NEBL: variants seen among roughly 807,000 people sequenced by gnomAD.
NEBL encodes nebulette, also known as LIM and SH3 protein 2.
A neutral mutation model predicts 140.2 loss-of-function variants in NEBL; 122 were observed. The ratio of observed to expected loss-of-function variants is 0.87; its 90% CI spans 0.75 to 1.01. The LOEUF is 1.01. Among genes scored for constraint, NEBL ranks in the 50% least tolerant of loss-of-function variants. NEBL has a pLI of 0.00. For missense variants in NEBL, 1,365 were observed against 1,231.3 expected (o/e 1.11, Z -1.62); for synonymous variants, 436 against 398.9 (o/e 1.09, Z -1.11).
chr10:21,152,615 A>G (rs1034998389), intron 2 of NEBL, among the ~76,000 whole-genome samples: 1 of 152,184 alleles, frequency 6.6e-6, no homozygotes, highest in African/African-American at 2.4e-5. Flanking sequence ...ACAAAAGCCA[A>G]AAAGAAACAG....
chr10:21,190,474 ACTCTGT>A (rs1841554050), intron 3 of NEBL, among the ~76,000 whole-genome samples: 1 of 151,962 alleles, frequency 6.6e-6, no homozygotes, highest in South Asian at 2.1e-4. Context: ...ACAGAGCGAG[ACTCTGT>A]CTCTAATTAA....
At chr10:20,894,751 A>G (rs1203230877) in intron 2 of NEBL, among the ~76,000 whole-genome samples, 5 of 18,894 alleles carry the variant, frequency 2.6e-4, no homozygotes, top group South Asian at 2.5e-3. Context: ...CGTCTCTACT[A>G]AAAAAAAAAA....
chr10:21,209,464 C>T (rs753705138), intron 3 of NEBL, among the ~76,000 whole-genome samples: 1 of 152,066 alleles, frequency 6.6e-6, no homozygotes, highest in Non-Finnish European at 1.5e-5. Context: ...TACATTGCCC[C>T]TCTGAAAAAA....
At chr10:20,881,564 G>A (rs540588868) in intron 4 of NEBL, among the ~76,000 whole-genome samples, 9 of 152,264 alleles carry the variant, frequency 5.9e-5, no homozygotes, top group African/African-American at 2.2e-4. Context: ...AGAACCTAAA[G>A]ACAGCAACCA....
chr10:21,014,336 C>A (rs1176445770), intron 3 of NEBL, among the ~76,000 whole-genome samples: 2 of 152,224 alleles, frequency 1.3e-5, no homozygotes, highest in African/African-American at 2.4e-5. Flanking sequence ...AGACCATAAA[C>A]CCCCTGAGAG....
At chr10:21,002,020 T>C (rs922558568) in intron 3 of NEBL, among the ~76,000 whole-genome samples, 1 of 152,156 alleles carries the variant, frequency 6.6e-6, no homozygotes, top group African/African-American at 2.4e-5. Context: ...AGGTGATTTG[T>C]TAGTTAGTTG....
At chr10:21,165,247 T>C (rs1172735079) in intron 2 of NEBL, among the ~76,000 whole-genome samples, 2 of 152,192 alleles carry the variant, frequency 1.3e-5, no homozygotes, top group East Asian at 1.9e-4. Flanking sequence ...TCATAAGAAA[T>C]GTTTTTAGAA....
intron 2 of NEBL, among the ~76,000 whole-genome samples, chr10:21,129,816 G>C (rs1224079637): frequency 6.6e-6 from 1 of 151,992 alleles, no homozygotes; most frequent in Non-Finnish European, 1.5e-5. Context: ...AAATTAGAAA[G>C]AGTATAAGAC....
intron 3 of NEBL, among the ~76,000 whole-genome samples, chr10:21,017,042 G>A (rs1194173701): frequency 2.6e-5 from 4 of 152,174 alleles, no homozygotes; most frequent in Admixed American, 6.5e-5. Context: ...TCTGAGCAAG[G>A]GGACCAGGGT....
chr10:21,061,071 T>C (rs1391803438), intron 2 of NEBL, among the ~76,000 whole-genome samples: 2 of 151,852 alleles, frequency 1.3e-5, no homozygotes, highest in Non-Finnish European at 2.9e-5. Context: ...CCAAACTAAA[T>C]AGAGGTCATT....
chr10:21,210,267 G>A (rs577979193), intron 3 of NEBL, among the ~76,000 whole-genome samples: 10 of 152,192 alleles, frequency 6.6e-5, no homozygotes, highest in African/African-American at 2.2e-4. Context: ...GGTGGCAGGC[G>A]CCTGTAATCC....
At chr10:21,217,170 G>A (rs188239419) in intron 3 of NEBL, among the ~76,000 whole-genome samples, 59 of 152,256 alleles carry the variant, frequency 3.9e-4, no homozygotes, top group African/African-American at 1.3e-3. Context: ...CAGAGAAGCT[G>A]GCATCCCCCC....
chr10:21,099,639 T>C (rs1002727386), intron 2 of NEBL, among the ~76,000 whole-genome samples: 1 of 152,240 alleles, frequency 6.6e-6, no homozygotes, highest in Non-Finnish European at 1.5e-5. Context: ...TGAAAGATTG[T>C]AATCTCTCAG....
chr10:21,183,765 G>A (rs998080546), intron 3 of NEBL, among the ~76,000 whole-genome samples: 6 of 152,028 alleles, frequency 3.9e-5, no homozygotes, highest in African/African-American at 1.2e-4. Context: ...TGGCTGTGTC[G>A]CCACCCAAAT....
intron 2 of NEBL, among the ~76,000 whole-genome samples, chr10:21,115,412 T>C (rs1316037608): frequency 1.3e-5 from 2 of 152,138 alleles, no homozygotes; most frequent in African/African-American, 2.4e-5. Context: ...AAGCCTTCTG[T>C]TAACATTTCC....
intron 18 of NEBL, among the ~76,000 whole-genome samples, chr10:20,825,998 G>A (rs913742179): frequency 6.6e-6 from 1 of 152,190 alleles, no homozygotes; most frequent in African/African-American, 2.4e-5. Context: ...ACTGACATCG[G>A]TTAAAAATGA....
intron 6 of NEBL, 77 bp from the exon 7 acceptor site, chr10:20,868,842 A>T: frequency 1.0e-6 from 1 of 973,384 alleles, no homozygotes; most frequent in Non-Finnish European, 1.6e-6. Context: ...GCCAAAAAAA[A>T]AAAAAATAAC....
At chr10:21,179,093 CT>C (rs1841346607), upstream of NEBL, among the ~76,000 whole-genome samples, 1 of 152,138 alleles carries the variant, frequency 6.6e-6, no homozygotes, top group Non-Finnish European at 1.5e-5. Context: ...AAGGGGCCTC[CT>C]AATGAAACTG....
At chr10:21,029,425 G>C in intron 2 of NEBL, 1 of 1,611,440 alleles carries the variant, frequency 6.2e-7, no homozygotes, top group East Asian at 2.2e-5. Flanking sequence ...TGGTTATGCT[G>C]AATTTGAGGA....
Sources: allele counts gnomAD v4.1 joint callset (sites outside exome capture counted in the v4.1 genomes callset), GRCh38; gene constraint gnomAD v4.1.1; transcripts MANE v1.5; gene names NCBI Gene and HGNC (gene_info 2026-07-23, HGNC 2026-07-21).